TEKT3: variants seen among roughly 807,000 people sequenced by gnomAD.
The protein encoded by TEKT3 is tektin-3.
Under a neutral mutation model 49.8 loss-of-function variants are expected in TEKT3, and 49 were observed. The observed-to-expected ratio is 0.98, with a 90% confidence interval of 0.78 to 1.25. The LOEUF is 1.25. TEKT3 is among the 50% of genes most tolerant of loss of function. TEKT3 has a pLI of 0.00. For missense variants in TEKT3, 595 were observed against 629.5 expected (o/e 0.95, Z 0.59); for synonymous variants, 225 against 237.2 (o/e 0.95, Z 0.47).
At position 15,333,907 on chromosome 17, in the gene TEKT3, T is replaced by C. The variant is rs187772663; in HGVS notation, c.-29-2293A>G. On this transcript the variant is annotated intron_variant, in intron 2 of 8. Transcript: ENST00000395930. ...CCTCCCGAGTAGCTGGGACTACAGG[T>C]GCCCGCCACCATGCCCGGCTAATTT... 2.8e-3 allele frequency among the ~76,000 whole-genome samples: 431 copies of C among 151,694 alleles called. 4 individuals are homozygous for C. The highest frequency in any genetic ancestry group is 0.023 in the East Asian group (116 of 5,152).
chr17:15,321,957 C>T (rs1046528013), intron 4 of TEKT3, among the ~76,000 whole-genome samples: 1 of 152,180 alleles, frequency 6.6e-6, no homozygotes, highest in Non-Finnish European at 1.5e-5. Context: ...CAGCCTTTTA[C>T]TTCCCATCAC....
chr17:15,317,253 T>C (rs1287249947), intron 5 of TEKT3, among the ~76,000 whole-genome samples: 1 of 152,178 alleles, frequency 6.6e-6, no homozygotes, highest in Admixed American at 6.5e-5. Flanking sequence ...ACAGCCAGTA[T>C]TGAGGCAATT....
rs889251691 is a variant in TEKT3, at chr17:15,304,691, G to C, written c.1257-539C>G. ...CCCCTCTCAGCTCCTTGAGACAGAA[G>C]AGTAGAAGCAGAGACCCAGGAAGAC... On this transcript the variant is annotated intron_variant, in intron 8 of 8. Coordinates refer to ENST00000395930, the MANE Select transcript of TEKT3 (RefSeq NM_031898.3). This position sits in a 1 kb window ranked among gnomAD's most constrained non-coding sequence, Gnocchi z 4.7. Among the ~76,000 whole-genome samples the C allele has an allele frequency of 6.6e-6, 1 of 152,160 alleles. No homozygotes were observed.
At chr17:15,312,877 G>T (rs943724363) in intron 6 of TEKT3, among the ~76,000 whole-genome samples, 2 of 152,184 alleles carry the variant, frequency 1.3e-5, no homozygotes, top group African/African-American at 4.8e-5. Context: ...GGAGTAGAGA[G>T]AATGATCATT....
intron 2 of TEKT3, among the ~76,000 whole-genome samples, chr17:15,334,944 T>G (rs1300807482): frequency 2.6e-5 from 4 of 152,190 alleles, no homozygotes; most frequent in African/African-American, 7.2e-5. Context: ...CATGACAGAA[T>G]AATAAAAACC....
Position 15,315,350 on chromosome 17 carries a change from C to T in TEKT3, c.735-1120G>A, listed in dbSNP as rs1042382540. Among the ~76,000 whole-genome samples the T allele has an allele frequency of 2.0e-5, 3 of 152,192 alleles. 1 individual carries two copies. The highest frequency in any genetic ancestry group is 1.9e-4 in the East Asian group (1 of 5,166). On this transcript the variant is annotated intron_variant, in intron 5 of 8. Coordinates refer to ENST00000395930, the MANE Select transcript of TEKT3 (RefSeq NM_031898.3). Reference sequence around the variant, plus strand: ...CATGGGAATGAATCAGGTTTTCCTTCGAGTAAAATTGGAGGCCATTGACTT... The same window carrying T: ...CATGGGAATGAATCAGGTTTTCCTTTGAGTAAAATTGGAGGCCATTGACTT...
chr17:15,318,970 T>C, intron 5 of TEKT3, 107 bp downstream of exon 5: 2 of 823,454 alleles, frequency 2.4e-6, no homozygotes, highest in Non-Finnish European at 3.9e-6. Flanking sequence ...TATGTGTATA[T>C]GCCTGTGTGT....
At chr17:15,317,710 A>G (rs2150740220) in intron 5 of TEKT3, among the ~76,000 whole-genome samples, 1 of 152,232 alleles carries the variant, frequency 6.6e-6, no homozygotes, top group East Asian at 1.9e-4. Context: ...CTTTCTACTT[A>G]ATGTTGGCCA....
intron 5 of TEKT3, among the ~76,000 whole-genome samples, chr17:15,316,857 G>A (rs992041192): frequency 1.3e-5 from 2 of 152,228 alleles, no homozygotes; most frequent in Admixed American, 1.3e-4. Flanking sequence ...TTTAGAACTG[G>A]GGCTGCCTGG....
intron 6 of TEKT3, 87 bp downstream of exon 6, chr17:15,314,000 C>G (rs962097852): frequency 2.0e-5 from 32 of 1,579,280 alleles, no homozygotes; most frequent in Non-Finnish European, 2.8e-5. Flanking sequence ...ACCTTGCTTT[C>G]CATTTTAACC....
At chr17:15,313,947 G>T in intron 6 of TEKT3, 140 bp downstream of exon 6, 1 of 1,175,288 alleles carries the variant, frequency 8.5e-7, no homozygotes, top group Non-Finnish European at 1.2e-6. Context: ...GCTTACTGGA[G>T]ACTTGTCCAA....
chr17:15,330,819 G>A (rs1478822318), intron 3 of TEKT3, among the ~76,000 whole-genome samples, 188 bp downstream of exon 3: 1 of 151,976 alleles, frequency 6.6e-6, no homozygotes, highest in East Asian at 1.9e-4. Context: ...TGTTCTTAAA[G>A]TATATAATGC....
rs182977241 is a variant in TEKT3, at chr17:15,323,189, C to T, written c.664-4042G>A. Among the ~76,000 whole-genome samples the T allele has an allele frequency of 1.1e-4, 17 of 152,330 alleles. No homozygotes were observed. The East Asian group carries it at 3.3e-3, about 29-fold the overall frequency. On this transcript the variant is annotated intron_variant, in intron 4 of 8. Coordinates refer to ENST00000395930, the MANE Select transcript of TEKT3 (RefSeq NM_031898.3). ...TGGGCTGAAATGCTGAAACGTCTCT[C>T]CAGCAGCAGGTCTGACATCTCTGGA...
At chr17:15,310,953 T>C (rs899925947) in intron 7 of TEKT3, 1 of 152,220 alleles carries the variant, frequency 6.6e-6, no homozygotes, top group Non-Finnish European at 1.5e-5. Context: ...ATTCATCCTC[T>C]GATTTGCTGT....
chr17:15,334,235 T>C (rs1010734305), intron 2 of TEKT3, among the ~76,000 whole-genome samples: 2 of 152,128 alleles, frequency 1.3e-5, no homozygotes, highest in African/African-American at 2.4e-5. Flanking sequence ...TTTATTTTAG[T>C]AGAGATGAGC....
intron 7 of TEKT3, among the ~76,000 whole-genome samples, chr17:15,309,627 A>G (rs2150733780): frequency 6.6e-6 from 1 of 152,062 alleles, no homozygotes; most frequent in Non-Finnish European, 1.5e-5. Context: ...ACCAAGAATC[A>G]TCTTTTTTTT....
chr17:15,330,669 G>A (rs1358703716), intron 3 of TEKT3, among the ~76,000 whole-genome samples: 1 of 152,066 alleles, frequency 6.6e-6, no homozygotes, highest in African/African-American at 2.4e-5. Flanking sequence ...ATAAATTACT[G>A]AGTCTCAGGT....
chr17:15,316,093 G>A (rs1352144646), intron 5 of TEKT3, among the ~76,000 whole-genome samples: 6 of 152,164 alleles, frequency 3.9e-5, no homozygotes, highest in Admixed American at 3.9e-4. Flanking sequence ...ATACATGTGC[G>A]AAGGATGAAA....
At chr17:15,339,357 A>G (rs570154088) in intron 2 of TEKT3, among the ~76,000 whole-genome samples, 2 of 152,356 alleles carry the variant, frequency 1.3e-5, no homozygotes, top group African/African-American at 4.8e-5. Flanking sequence ...CAGAAAACTA[A>G]GACATGTGCC....
Sources: allele counts gnomAD v4.1 joint callset (sites outside exome capture counted in the v4.1 genomes callset), GRCh38; gene constraint gnomAD v4.1.1; non-coding constraint Gnocchi (gnomAD v3.1); transcripts MANE v1.5; gene names NCBI Gene and HGNC (gene_info 2026-07-23, HGNC 2026-07-21).